Variants in RBPMS observed in about 807,000 individuals in gnomAD.
RBPMS encodes RNA binding protein, mRNA processing factor.
Under a neutral mutation model 26.8 loss-of-function variants are expected in RBPMS, and 7 were observed. That is an observed-to-expected ratio of 0.26 (90% CI 0.15 to 0.49). The LOEUF (loss-of-function observed/expected upper bound fraction) is 0.49. Among genes scored for constraint, RBPMS ranks in the 20% least tolerant of loss-of-function variants. The pLI is 0.98. For synonymous variants in RBPMS, 96 were observed against 93.3 expected (o/e 1.03, Z -0.17); for missense variants, 186 against 250.0 (o/e 0.74, Z 1.73).
chr8:30,560,755 G>A (rs1483257237), intron 7 of RBPMS, among the ~76,000 whole-genome samples: 1 of 152,064 alleles, frequency 6.6e-6, no homozygotes, highest in Admixed American at 6.5e-5. Context: ...TCTGGTACAC[G>A]GTGTTCCTCA....
intron 3 of RBPMS, among the ~76,000 whole-genome samples, chr8:30,478,278 T>C (rs1817904535): frequency 2.6e-5 from 4 of 151,970 alleles, no homozygotes; most frequent in Non-Finnish European, 5.9e-5. Context: ...AAAATGGAAG[T>C]GGTAGTCAGT....
chr8:30,477,869 C>CT, intron 3 of RBPMS, 32 bp downstream of exon 3: 1 of 1,440,354 alleles, frequency 6.9e-7, no homozygotes, highest in Non-Finnish European at 9.7e-7. Flanking sequence ...ATAAAGATCA[C>CT]TTTTTTACTT....
intron 1 of RBPMS, among the ~76,000 whole-genome samples, chr8:30,434,930 T>A (rs1206176844): frequency 1.3e-5 from 2 of 152,050 alleles, no homozygotes; most frequent in East Asian, 3.9e-4. Context: ...TAATCTGTGA[T>A]CAGCAGAAAG....
rs551479119 is a variant in RBPMS at position 30,529,329 on chromosome 8, A to C, written c.398-15165A>C. Among the ~76,000 whole-genome samples, 6 of 151,906 alleles carry C rather than the reference A, an allele frequency of 3.9e-5. No individual in the cohort carries two copies. The South Asian group carries it at 1.2e-3, about 32-fold the overall frequency. On this transcript the variant is annotated intron_variant, in intron 5 of 8. Coordinates refer to ENST00000397323, the MANE Select transcript of RBPMS (RefSeq NM_001008710.3). ...ACAGTGTTTTGCATCCATCACCACT[A>C]TCTATTTCCAAAACTTTTTCATCAC...
chr8:30,483,362 G>T (rs1818470394), intron 4 of RBPMS, among the ~76,000 whole-genome samples: 1 of 152,150 alleles, frequency 6.6e-6, no homozygotes, highest in Non-Finnish European at 1.5e-5. Context: ...GAGAACTAGA[G>T]AAGTCTGTAC....
chr8:30,515,938 C>T (rs1407514700), intron 5 of RBPMS, among the ~76,000 whole-genome samples: 3 of 152,186 alleles, frequency 2.0e-5, no homozygotes, highest in Non-Finnish European at 4.4e-5. Context: ...CCTTAGGCAC[C>T]GTACCTGGCC....
At chr8:30,459,109 G>A (rs937108060) in intron 1 of RBPMS, among the ~76,000 whole-genome samples, 3 of 151,654 alleles carry the variant, frequency 2.0e-5, no homozygotes, top group East Asian at 3.9e-4. Context: ...GATTACAGGC[G>A]TGCCACCACA....
At chr8:30,436,925 C>CTTT (rs370802180) in intron 1 of RBPMS, among the ~76,000 whole-genome samples, 124 of 140,042 alleles carry the variant, frequency 8.9e-4, no homozygotes, top group African/African-American at 2.8e-3. Context: ...ATATATGTAG[C>CTTT]TTTTTTTTTT....
intron 1 of RBPMS, among the ~76,000 whole-genome samples, chr8:30,467,799 T>A (rs1816672181): frequency 6.6e-6 from 1 of 152,220 alleles, no homozygotes; most frequent in South Asian, 2.1e-4. Flanking sequence ...GTGGACATGC[T>A]GAGTTTGTAT....
chr8:30,557,274 C>T (rs1827018119), intron 6 of RBPMS, among the ~76,000 whole-genome samples: 1 of 152,180 alleles, frequency 6.6e-6, no homozygotes. Flanking sequence ...GTGAGGAGGC[C>T]CATGGGGAGG....
chr8:30,413,233 T>A (rs1445982276), intron 1 of RBPMS, among the ~76,000 whole-genome samples: 1 of 151,770 alleles, frequency 6.6e-6, no homozygotes, highest in East Asian at 1.9e-4. Flanking sequence ...CATGCACCAC[T>A]ATGCCCAGCT....
chr8:30,560,664 A>G (rs959257238), intron 7 of RBPMS, among the ~76,000 whole-genome samples: 1 of 152,230 alleles, frequency 6.6e-6, no homozygotes, highest in Non-Finnish European at 1.5e-5. Context: ...TTCCAAGGTC[A>G]GTGAAACAAA....
At chr8:30,496,072 C>T (rs1259044870) in intron 4 of RBPMS, among the ~76,000 whole-genome samples, 1 of 152,100 alleles carries the variant, frequency 6.6e-6, no homozygotes, top group Admixed American at 6.5e-5. Context: ...TTGTGTGGGA[C>T]TATCCTGCTC....
Position 30,426,003 on chromosome 8 carries a change from C to T in RBPMS, c.66+40845C>T, listed in dbSNP as rs115132151. ...ACCACCACTCTATGCTGCTTCCCAC[C>T]GTGCCCAAAGAGTGCCTGCAGGCTT... On this transcript the variant is annotated intron_variant, in intron 1 of 8. Coordinates refer to ENST00000397323, the MANE Select transcript of RBPMS (RefSeq NM_001008710.3). Among the ~76,000 whole-genome samples the T allele has an allele frequency of 2.9e-3, 439 of 152,298 alleles. 3 individuals are homozygous for T. The highest frequency in any genetic ancestry group is 9.9e-3 in the African/African-American group (410 of 41,576).
chr8:30,420,209 T>C (rs1029563690), intron 1 of RBPMS, among the ~76,000 whole-genome samples: 81 of 149,796 alleles, frequency 5.4e-4, no homozygotes, highest in Admixed American at 2.7e-4. Context: ...TTCTGGGTGA[T>C]AGAGCAAGAC....
Position 30,425,146 on chromosome 8 carries a change from A to G in RBPMS, c.66+39988A>G, listed in dbSNP as rs146865930. On this transcript the variant is annotated intron_variant, in intron 1 of 8. Coordinates refer to ENST00000397323, the MANE Select transcript of RBPMS (RefSeq NM_001008710.3). ...AATTTTCTGTAGTTTTTGTAGCGAC[A>G]AAGTCTCACTATGTTGCCCAGGCTG... Among the ~76,000 whole-genome samples the G allele has an allele frequency of 7.2e-5, 11 of 151,892 alleles. 1 individual carries two copies. In the South Asian group the frequency reaches 2.3e-3, roughly 32 times the overall value.
At chr8:30,519,456 CTCTTTTTTTTTTTTT>C (rs1822776609) in intron 5 of RBPMS, among the ~76,000 whole-genome samples, 3 of 116,490 alleles carry the variant, frequency 2.6e-5, no homozygotes, top group African/African-American at 3.6e-5. Flanking sequence ...GAGGATCTCT[CTCTTTTTTTTTTTTT>C]TTTTTTTTTT....
intron 5 of RBPMS, among the ~76,000 whole-genome samples, chr8:30,509,123 T>C (rs1440391888): frequency 6.6e-6 from 1 of 152,198 alleles, no homozygotes; most frequent in African/African-American, 2.4e-5. Flanking sequence ...CTCTAGGCTT[T>C]TAAAAGCTCT....
intron 5 of RBPMS, 72 bp from the exon 6 acceptor site, chr8:30,544,422 G>T: frequency 2.1e-6 from 3 of 1,438,354 alleles, no homozygotes; most frequent in Non-Finnish European, 2.9e-6. Context: ...CGGGGTTGTT[G>T]GGTGTTTTGT....
Sources: allele counts gnomAD v4.1 joint callset (sites outside exome capture counted in the v4.1 genomes callset), GRCh38; gene constraint gnomAD v4.1.1; transcripts MANE v1.5; gene names NCBI Gene and HGNC (gene_info 2026-07-23, HGNC 2026-07-21).